Variants in FBXO31 observed in about 807,000 individuals in gnomAD.
The protein encoded by FBXO31 is F-box protein 31.
In FBXO31, 24 loss-of-function variants were observed where a neutral mutation model predicts 54.4. That is an observed-to-expected ratio of 0.44 (90% CI 0.32 to 0.62). FBXO31 has a LOEUF of 0.62. Among genes scored for constraint, FBXO31 ranks in the 20% least tolerant of loss-of-function variants. The probability of loss-of-function intolerance (pLI) is 0.05; values close to 1 mark genes in which losing one functional copy is unlikely to be tolerated. For synonymous variants in FBXO31, 388 were observed against 335.6 expected, an observed-to-expected ratio of 1.16 and a Z score of -1.71; for missense variants, 665 against 787.1, an observed-to-expected ratio of 0.84 and a Z score of 1.86.
At chr16:87,388,750 G>A (rs958731019), upstream of FBXO31, 1 of 152,158 alleles carries the variant, frequency 6.6e-6, no homozygotes, top group African/African-American at 2.4e-5. Context: ...CCACGGTTAT[G>A]GTCATTTCCT....
upstream of FBXO31, chr16:87,385,972 C>T (rs892661296): frequency 4.0e-5 from 6 of 151,858 alleles, no homozygotes; most frequent in Non-Finnish European, 8.8e-5. Context: ...GATTGAGCCA[C>T]TGCACTCCAG....
intron 4 of FBXO31, 149 bp downstream of exon 4, chr16:87,343,449 A>G (rs761887411): frequency 1.6e-5 from 15 of 950,544 alleles, no homozygotes; most frequent in Non-Finnish European, 2.3e-5. Context: ...GGCGTAAACA[A>G]TGCACAGCAG....
intron 2 of FBXO31, among the ~76,000 whole-genome samples, chr16:87,354,252 C>T (rs1905795793): frequency 6.6e-6 from 1 of 152,048 alleles, no homozygotes; most frequent in Non-Finnish European, 1.5e-5. Flanking sequence ...GCGGGATAAT[C>T]GCTTGAGCCC....
chr16:87,364,289 C>T (rs1051580397), intron 1 of FBXO31, among the ~76,000 whole-genome samples: 3 of 152,302 alleles, frequency 2.0e-5, no homozygotes, highest in Non-Finnish European at 2.9e-5. Context: ...GGACACAGCA[C>T]GAAGCTCAAA....
chr16:87,372,215 A>G (rs560495493), intron 1 of FBXO31, among the ~76,000 whole-genome samples: 1 of 152,298 alleles, frequency 6.6e-6, no homozygotes, highest in African/African-American at 2.4e-5. Context: ...CAGAGTAGGG[A>G]AAAATGAAAT....
chr16:87,365,638 C>T (rs1045397595), intron 1 of FBXO31, among the ~76,000 whole-genome samples: 1 of 152,220 alleles, frequency 6.6e-6, no homozygotes, highest in Non-Finnish European at 1.5e-5. Flanking sequence ...CCATATTCAG[C>T]GCTGCCATGG....
At position 87,342,821 on chromosome 16, in the gene FBXO31, C is replaced by T. The variant is rs111817638; in HGVS notation, c.732+56G>A. The T allele has an allele frequency of 2.3e-4, 340 of 1,477,824 alleles. 1 individual carries two copies. In the African/African-American group the frequency reaches 2.9e-3, roughly 13 times the overall value. The allele number at this position is 1,477,824 out of a possible 1,614,324, so 91.5% of individuals were successfully genotyped here. A position where few individuals can be genotyped will look rare whatever the true frequency, so the allele number is the denominator to read the frequency against. On this transcript the variant is annotated intron_variant, in intron 5 of 8. Transcript: ENST00000311635. ...CTCCCGCATGGGTCTGTACTTTCCC[C>T]GTGGGGAAAGGAAAGGTCCGCACCA...
In FBXO31 at chr16:87,389,307, C is replaced by T. The variant is rs888978270; in HGVS notation, c.-177+430G>A. ...ATTCAAGTTGGAATTAGAAGTTAGG[C>T]GTAGAAGTGTCAGCTTTGCAAATGT... is the stretch of plus-strand genomic sequence containing the variant. On this transcript the variant is annotated intron_variant, in intron 1 of 8. Coordinates refer to the FBXO31 transcript ENST00000618298. Among the ~76,000 whole-genome samples, 5 of 152,134 alleles carry T rather than the reference C, an allele frequency of 3.3e-5. 1 individual carries two copies. The highest frequency in any genetic ancestry group is 4.1e-4 in the South Asian group (2 of 4,836).
At chr16:87,357,000 CTT>C (rs1398356551) in intron 2 of FBXO31, among the ~76,000 whole-genome samples, 1 of 152,164 alleles carries the variant, frequency 6.6e-6, no homozygotes, top group Non-Finnish European at 1.5e-5. Context: ...AATCCCAACA[CTT>C]TGAGAGGCCA....
intron 1 of FBXO31, among the ~76,000 whole-genome samples, chr16:87,376,866 G>A (rs1407200600): frequency 6.6e-6 from 1 of 152,208 alleles, no homozygotes; most frequent in Non-Finnish European, 1.5e-5. Flanking sequence ...ATAACGAAAT[G>A]TTAGGAAAGA....
At chr16:87,370,625 G>A (rs2150692530) in intron 1 of FBXO31, among the ~76,000 whole-genome samples, 1 of 152,288 alleles carries the variant, frequency 6.6e-6, no homozygotes, top group South Asian at 2.1e-4. Flanking sequence ...CATGCAGGCA[G>A]GGAACCCGAG....
intron 1 of FBXO31, among the ~76,000 whole-genome samples, chr16:87,376,712 C>G (rs967873678): frequency 7.2e-5 from 11 of 152,212 alleles, no homozygotes; most frequent in Non-Finnish European, 1.5e-4. Context: ...AAAGTGGAGC[C>G]ACCCTTATAC....
chr16:87,366,764 G>A (rs1387162523), intron 1 of FBXO31, among the ~76,000 whole-genome samples: 1 of 152,204 alleles, frequency 6.6e-6, no homozygotes, highest in African/African-American at 2.4e-5. Context: ...GAGGCAGAGG[G>A]CAGACGGGCC....
At chr16:87,379,665 G>A (rs965468965) in intron 1 of FBXO31, among the ~76,000 whole-genome samples, 3 of 152,068 alleles carry the variant, frequency 2.0e-5, no homozygotes, top group African/African-American at 4.8e-5. Context: ...TCATCCATCA[G>A]CCAGGGTCTG....
upstream of FBXO31, among the ~76,000 whole-genome samples, chr16:87,388,338 ATCC>A (rs1907397322): frequency 6.6e-6 from 1 of 152,188 alleles, no homozygotes; most frequent in Non-Finnish European, 1.5e-5. Context: ...CAACCCCTAA[ATCC>A]TCCTGACCAA....
At position 87,343,631 on chromosome 16, in the gene FBXO31, G is replaced by A. The variant is rs780291715; in HGVS notation, c.624C>T (p.Tyr208=). The A allele has an allele frequency of 5.1e-5, 83 of 1,612,674 alleles. No individual in the cohort carries two copies. Among genetic ancestry groups the A allele is most frequent in the East Asian group, 5.1e-4 (23 of 44,778 alleles). Residue 208 remains tyrosine, a synonymous_variant, in exon 4 of 9, where the codon TAC becomes TAT. Transcript: ENST00000311635. ...GGCCGTGGTGGGGCCCTTTGTGGCC[G>A]TACATGCACTCCACTGTGGCAGCCT... ...ERKAATVECM[Y]GHKGPHHGHI... is the part of the protein sequence containing the mutation.
rs1906014532 is a variant in FBXO31 at position 87,358,923 on chromosome 16, TC to T, written c.412+1371del. ...CTTTGCCCAGCACCCACCTGGCGTTTCCCAGCCTGCTAACTCAGGCCAGCCT... is the reference window on the plus strand; with the variant it reads ...CTTTGCCCAGCACCCACCTGGCGTTTCCAGCCTGCTAACTCAGGCCAGCCT... On this transcript the variant is annotated intron_variant, in intron 2 of 8. Coordinates refer to ENST00000311635, the MANE Select transcript of FBXO31 (RefSeq NM_024735.5). This position sits in a 1 kb window ranked among gnomAD's most constrained non-coding sequence, Gnocchi z 4.0. Among the ~76,000 whole-genome samples the T allele has an allele frequency of 6.6e-6, 1 of 152,146 alleles. No individual in the cohort carries two copies. Among genetic ancestry groups the T allele is most frequent in the South Asian group, 2.1e-4 (1 of 4,826 alleles).
Position 87,336,041 on chromosome 16 carries a change from AC to A in FBXO31, c.842+113del. 1 of 783,458 alleles carries A rather than the reference AC, an allele frequency of 1.3e-6. No individual in the cohort carries two copies. Among genetic ancestry groups the A allele is most frequent in the Non-Finnish European group, 2.0e-6 (1 of 488,592 alleles). 48.5% of individuals were successfully genotyped at this position (783,458 alleles called of 1,614,324 possible). A position where few individuals can be genotyped will look rare whatever the true frequency, so the allele number is the denominator to read the frequency against. On this transcript the variant is annotated intron_variant, in intron 6 of 8. Coordinates refer to ENST00000311635, the MANE Select transcript of FBXO31 (RefSeq NM_024735.5). The surrounding 1 kb of genome is among the most constrained non-coding windows in gnomAD (Gnocchi z 6.5). The stretch of plus-strand genomic sequence containing the variant: ...AGCCCCCAGCAGGAGAGAGGGCTGA[AC>A]CCCAGCACCCACTGAGACAAAGGAC...
chr16:87,361,722 G>C (rs949522060), intron 1 of FBXO31, among the ~76,000 whole-genome samples: 1 of 152,180 alleles, frequency 6.6e-6, no homozygotes, highest in African/African-American at 2.4e-5. Flanking sequence ...TACCCCAAAT[G>C]CTTCTCTAAC....
Sources: allele counts gnomAD v4.1 joint callset (sites outside exome capture counted in the v4.1 genomes callset), GRCh38; gene constraint gnomAD v4.1.1; non-coding constraint Gnocchi (gnomAD v3.1); transcripts MANE v1.5; gene names NCBI Gene and HGNC (gene_info 2026-07-23, HGNC 2026-07-21).